Variants in SLC14A2 observed in about 807,000 individuals in gnomAD.
The protein encoded by SLC14A2 is urea transporter 2.
In SLC14A2, 91 loss-of-function variants were observed where a neutral mutation model predicts 104.6. The observed-to-expected ratio is 0.87, with a 90% confidence interval of 0.73 to 1.04. SLC14A2 has a LOEUF of 1.04. Among genes scored for constraint, SLC14A2 ranks in the 50% least tolerant of loss-of-function variants. The pLI is 0.00. For missense variants in SLC14A2, 1,189 were observed against 1,156.0 expected (o/e 1.03, Z -0.41); for synonymous variants, 476 against 466.4 (o/e 1.02, Z -0.27).
At position 45,637,097 on chromosome 18, in the gene SLC14A2, A is replaced by G; in HGVS notation, c.758A>G (p.His253Arg). 1 of 1,614,192 alleles carries G rather than the reference A, an allele frequency of 6.2e-7. No homozygotes were observed. Among genetic ancestry groups the G allele is most frequent in the South Asian group, 1.1e-5 (1 of 91,088 alleles). The change falls in exon 6 of 20, where the codon CAC becomes CGC. Residue 253 changes from histidine to arginine, a missense_variant. Transcript: ENST00000255226. The stretch of plus-strand genomic sequence containing the variant: ...ACCTTGTACCTTGCAGCCACAGGCC[A>G]CTACAACCTCTTCTTCCCCACAACA... ...AVTLYLAATG[H>R]YNLFFPTTLV...
intron 1 of SLC14A2, among the ~76,000 whole-genome samples, chr18:45,319,171 C>T (rs542563710): frequency 1.3e-5 from 2 of 152,318 alleles, no homozygotes; most frequent in African/African-American, 4.8e-5. Context: ...CACTGACTCT[C>T]CATTCCCTTC....
intron 1 of SLC14A2, among the ~76,000 whole-genome samples, chr18:45,402,125 C>T (rs1374384760): frequency 3.3e-5 from 5 of 152,150 alleles, no homozygotes; most frequent in African/African-American, 4.8e-5. Context: ...CAGAGGCCCA[C>T]AGTTCCTTTG....
chr18:45,285,327 G>T (rs939988634), intron 1 of SLC14A2, among the ~76,000 whole-genome samples: 1 of 152,178 alleles, frequency 6.6e-6, no homozygotes, highest in African/African-American at 2.4e-5. Context: ...TTCATTTACT[G>T]TATATGAATT....
chr18:45,339,557 C>T (rs2085372616), intron 1 of SLC14A2, among the ~76,000 whole-genome samples: 1 of 151,950 alleles, frequency 6.6e-6, no homozygotes. Context: ...AAAATGAACA[C>T]ACACACACAC....
intron 16 of SLC14A2, among the ~76,000 whole-genome samples, chr18:45,672,048 G>T (rs1261344305): frequency 1.3e-5 from 2 of 152,178 alleles, no homozygotes; most frequent in Non-Finnish European, 2.9e-5. Flanking sequence ...GGGTGCCCTG[G>T]GGGTTTATTA....
chr18:45,195,057 G>A, the SLC14A2 span, among the ~76,000 whole-genome samples: 8 of 152,136 alleles, frequency 5.3e-5, no homozygotes, highest in African/African-American at 1.7e-4. Context: ...AAAGGCAAAC[G>A]TCTCAGTTTT....
intron 1 of SLC14A2, among the ~76,000 whole-genome samples, chr18:45,336,614 A>G (rs1215926274): frequency 6.6e-6 from 1 of 152,170 alleles, no homozygotes; most frequent in Non-Finnish European, 1.5e-5. Context: ...GAGCAGGAAG[A>G]GTACATTCAT....
chr18:45,565,997 A>G (rs1337593858), intron 2 of SLC14A2, among the ~76,000 whole-genome samples: 2 of 152,232 alleles, frequency 1.3e-5, no homozygotes, highest in African/African-American at 4.8e-5. Flanking sequence ...TTTCAATGGC[A>G]GAGTAGTGGG....
chr18:45,528,061 T>C (rs1411993769), intron 2 of SLC14A2: 1 of 152,038 alleles, frequency 6.6e-6, no homozygotes, highest in African/African-American at 2.4e-5. Flanking sequence ...GTGGGAATTA[T>C]TTCCTCCTCC....
intron 2 of SLC14A2, among the ~76,000 whole-genome samples, chr18:45,588,747 A>G (rs2044604333): frequency 6.6e-6 from 1 of 152,186 alleles, no homozygotes; most frequent in Non-Finnish European, 1.5e-5. Flanking sequence ...ATTCTACGAT[A>G]AAAGCATTAG....
intron 2 of SLC14A2, among the ~76,000 whole-genome samples, chr18:45,530,932 G>T (rs1297543134): frequency 1.3e-5 from 2 of 151,810 alleles, no homozygotes; most frequent in African/African-American, 4.8e-5. Flanking sequence ...TCCCACCTAT[G>T]AGTGAGAACA....
In SLC14A2 at chr18:45,650,410, C is replaced by T. The variant is rs955687575; in HGVS notation, c.1351+6250C>T. 2.6e-5 allele frequency among the ~76,000 whole-genome samples: 4 copies of T among 152,182 alleles called. No individual in the cohort carries two copies. The South Asian group carries it at 8.3e-4, about 32-fold the overall frequency. On this transcript the variant is annotated intron_variant, in intron 10 of 19. Coordinates refer to ENST00000255226, the MANE Select transcript of SLC14A2 (RefSeq NM_007163.4). ...TGGCCCCAAGCTTCTGCCCATTCCC[C>T]TTAATCCATCACAGATGGGCCCCTG...
At chr18:45,613,264 C>T (rs1179161984), upstream of SLC14A2, among the ~76,000 whole-genome samples, 1 of 152,092 alleles carries the variant, frequency 6.6e-6, no homozygotes. Flanking sequence ...CCTCGTGATC[C>T]GCCCGCCTCA....
chr18:45,510,548 T>C (rs763493241), intron 2 of SLC14A2, among the ~76,000 whole-genome samples: 8 of 152,006 alleles, frequency 5.3e-5, no homozygotes, highest in Non-Finnish European at 1.2e-4. Flanking sequence ...AATGTCACAA[T>C]ATTGCCTTCC....
intron 2 of SLC14A2, among the ~76,000 whole-genome samples, chr18:45,548,100 G>A (rs1025014266): frequency 6.6e-6 from 1 of 152,184 alleles, no homozygotes; most frequent in Non-Finnish European, 1.5e-5. Context: ...GTTATGGGAG[G>A]CAGGAGTCAA....
chr18:45,599,036 T>G (rs1440504941), intron 2 of SLC14A2, among the ~76,000 whole-genome samples: 1 of 152,198 alleles, frequency 6.6e-6, no homozygotes, highest in Non-Finnish European at 1.5e-5. Flanking sequence ...AAAACCATGA[T>G]GAGTATGAAG....
intron 1 of SLC14A2, among the ~76,000 whole-genome samples, chr18:45,259,612 AT>A (rs887868164): frequency 1.1e-4 from 17 of 152,072 alleles, no homozygotes; most frequent in African/African-American, 3.4e-4. Flanking sequence ...TTGAATGAAG[AT>A]TTTTTTTCCT....
the SLC14A2 span, among the ~76,000 whole-genome samples, chr18:45,188,807 G>A: frequency 6.6e-6 from 1 of 152,164 alleles, no homozygotes; most frequent in Admixed American, 6.5e-5. Context: ...GATTAAGTAT[G>A]AGACAAAAGT....
intron 1 of SLC14A2, among the ~76,000 whole-genome samples, chr18:45,299,133 A>C (rs374505237): frequency 3.9e-5 from 6 of 152,240 alleles, no homozygotes; most frequent in African/African-American, 1.2e-4. Flanking sequence ...TGTTCACCGG[A>C]AGATAGCTCA....
Sources: gnomAD v4.1 joint callset for allele counts (sites outside exome capture counted in the v4.1 genomes callset) on GRCh38, gnomAD v4.1.1 for gene constraint, MANE v1.5 for transcripts, NCBI Gene and HGNC (gene_info 2026-07-23, HGNC 2026-07-21) for gene names.